The following UGT2A2 variants were observed in gnomAD, a reference collection of about 807,000 sequenced individuals.
UGT2A2 encodes UDP glucuronosyltransferase family 2 member A2, also known as UDP-glucuronosyltransferase 2A2.
Under a neutral mutation model 50.7 loss-of-function variants are expected in UGT2A2, and 60 were observed. That is an observed-to-expected ratio of 1.18 (90% confidence interval 0.96 to 1.47). The LOEUF (loss-of-function observed/expected upper bound fraction) is 1.47. Ranked by LOEUF, UGT2A2 falls within the 40% of genes most tolerant of loss-of-function variation. The pLI is 0.00. For missense variants in UGT2A2, 762 were observed against 634.0 expected, an observed-to-expected ratio of 1.20 and a Z score of -2.17; for synonymous variants, 242 against 214.6, an observed-to-expected ratio of 1.13 and a Z score of -1.11.
chr4:69,594,603 A>C lies in UGT2A2; in HGVS notation c.1205T>G (p.Met402Arg). ...YHGVPMVGVP[M>R]FADQPDNIAH... ...AATGTTATCAGGCTGATCAGCAAAC[A>C]TGGGAACTCCCACCATAGGGACTCC... Residue 402 changes from methionine (M) to arginine (R), a missense_variant, in exon 5 of 6, where the codon ATG (methionine) becomes AGG (arginine). Physicochemically the swap from Met to Arg is moderately conservative, Grantham distance 91. Transcript: ENST00000604629. The C allele has an allele frequency of 1.2e-6, 2 of 1,614,148 alleles. No homozygotes were observed. The highest frequency in any genetic ancestry group is 1.7e-6 in the Non-Finnish European group (2 of 1,180,034).
chr4:69,618,215 GTATGTTTGTGTGTGTGTGTGTGTA>G (rs1405240045), intron 1 of UGT2A2, among the ~76,000 whole-genome samples: 2 of 104,766 alleles, frequency 1.9e-5, no homozygotes, highest in Non-Finnish European at 4.0e-5. Context: ...GTGTGTGTGT[GTATGTTTGTGTGTGTGTGTGTGTA>G]TGTGTGTGTT....
intron 1 of UGT2A2, chr4:69,635,791 A>G (rs1372513769): frequency 6.3e-6 from 1 of 158,700 alleles, no homozygotes; most frequent in Non-Finnish European, 1.3e-5. Context: ...CCGCCACTGC[A>G]CTCCAGCCTG....
intron 1 of UGT2A2, among the ~76,000 whole-genome samples, chr4:69,614,340 A>G (rs957536782): frequency 6.6e-6 from 1 of 152,056 alleles, no homozygotes; most frequent in Non-Finnish European, 1.5e-5. Flanking sequence ...AAAAATGAAA[A>G]TGTTTTCTGT....
rs28404221 is a variant in UGT2A2 at position 69,639,444 on chromosome 4, G to A, written c.197C>T (p.Ala66Val). The A allele has an allele frequency of 0.033, 53,976 of 1,612,976 alleles. 1,098 individuals are homozygous for A. Among genetic ancestry groups the A allele is most frequent in the East Asian group, 0.066 (2,979 of 44,840 alleles). Reference protein sequence around the residue: ...NHNVTVLASSATLFINSNPDS... With the variant: ...NHNVTVLASSVTLFINSNPDS... ...GGGATTGGAGTTGATGAATAGAGTT[G>A]CTGATGAAGCCAGTACAGTCACATT... is the stretch of plus-strand genomic sequence containing the variant. The change falls in exon 1 of 6, where the codon GCA becomes GTA. Residue 66 changes from alanine (A) to valine (V), a missense_variant. Coordinates refer to ENST00000604629, the MANE Select transcript of UGT2A2 (RefSeq NM_001105677.2).
chr4:69,607,813 GA>G (rs1719749366), intron 1 of UGT2A2, among the ~76,000 whole-genome samples: 2 of 152,138 alleles, frequency 1.3e-5, no homozygotes. Flanking sequence ...AAAGACACAT[GA>G]AAAAATGCTC....
chr4:69,607,150 A>G (rs1325491339), intron 1 of UGT2A2, among the ~76,000 whole-genome samples: 3 of 148,070 alleles, frequency 2.0e-5, no homozygotes, highest in African/African-American at 7.7e-5. Flanking sequence ...GAGGCATCAC[A>G]CTACCTGACT....
intron 1 of UGT2A2, among the ~76,000 whole-genome samples, chr4:69,607,183 A>ACTAACCAAATCAGCATG (rs1390324533): frequency 7.4e-6 from 1 of 135,074 alleles, no homozygotes; most frequent in Non-Finnish European, 1.6e-5. Context: ...GCAAGGCTAC[A>ACTAACCAAATCAGCATG]GTAACCAAAA....
At chr4:69,623,380 T>A (rs1162164537) in intron 1 of UGT2A2, among the ~76,000 whole-genome samples, 2 of 151,616 alleles carry the variant, frequency 1.3e-5, no homozygotes, top group Non-Finnish European at 2.9e-5. Flanking sequence ...TTTGTGAGAA[T>A]CATCTCGAAG....
intron 1 of UGT2A2, among the ~76,000 whole-genome samples, chr4:69,629,328 C>T (rs1328204869): frequency 6.6e-6 from 1 of 152,004 alleles, no homozygotes; most frequent in Non-Finnish European, 1.5e-5. Flanking sequence ...TCAACTTGTA[C>T]ATTCCCAAAA....
At chr4:69,628,697 C>T (rs551921384) in intron 1 of UGT2A2, among the ~76,000 whole-genome samples, 2 of 147,662 alleles carry the variant, frequency 1.4e-5, no homozygotes, top group Admixed American at 6.9e-5. Flanking sequence ...AAAATAAAAG[C>T]ATTTTCTTTA....
chr4:69,638,605 C>T (rs1301664325), intron 1 of UGT2A2, among the ~76,000 whole-genome samples: 1 of 152,060 alleles, frequency 6.6e-6, no homozygotes, highest in East Asian at 1.9e-4. Flanking sequence ...TATAATGTAT[C>T]CTAATATGGG....
chr4:69,611,005 C>G (rs4401516), intron 1 of UGT2A2, among the ~76,000 whole-genome samples: 59,930 of 151,790 alleles, frequency 0.39, 12,156 homozygotes, highest in African/African-American at 0.48. Context: ...TACCTCAGTT[C>G]ATGGATTTAG....
intron 1 of UGT2A2, among the ~76,000 whole-genome samples, chr4:69,627,440 T>A (rs1040298032): frequency 6.7e-6 from 1 of 149,130 alleles, no homozygotes; most frequent in East Asian, 2.0e-4. Context: ...AGAAATATTT[T>A]TTGTTCCATA....
chr4:69,595,945 T>C (rs1168589480), intron 3 of UGT2A2, among the ~76,000 whole-genome samples: 2 of 152,122 alleles, frequency 1.3e-5, no homozygotes, highest in Non-Finnish European at 2.9e-5. Flanking sequence ...AAGTAGTCAG[T>C]GGAGAACAAA....
chr4:69,627,486 A>G lies in UGT2A2; in HGVS notation c.742+11413T>C, dbSNP rs896162429. On this transcript the variant is annotated intron_variant, in intron 1 of 5. Coordinates refer to ENST00000604629, the MANE Select transcript of UGT2A2 (RefSeq NM_001105677.2). The stretch of plus-strand genomic sequence containing the variant: ...CAAGCAGGCAGGCAGGCAGGCAGGC[A>G]GGCATGCAGGAAGGAAGGAAGGAAA... Among the ~76,000 whole-genome samples the G allele has an allele frequency of 3.3e-4, 49 of 149,960 alleles. No homozygotes were observed. The East Asian group carries it at 9.0e-3, about 28-fold the overall frequency.
At chr4:69,614,887 G>A (rs1055447872) in intron 1 of UGT2A2, among the ~76,000 whole-genome samples, 13 of 152,048 alleles carry the variant, frequency 8.5e-5, no homozygotes, top group Admixed American at 2.6e-4. Flanking sequence ...TGTACAGGAG[G>A]CATGGTTGGG....
intron 1 of UGT2A2, chr4:69,599,682 G>T: frequency 1.6e-5 from 4 of 258,006 alleles, no homozygotes; most frequent in Non-Finnish European, 2.8e-5. Flanking sequence ...GAAGAAAGAG[G>T]TAGAAATAAA....
At chr4:69,611,794 G>A (rs1447000082) in intron 1 of UGT2A2, among the ~76,000 whole-genome samples, 1 of 152,032 alleles carries the variant, frequency 6.6e-6, no homozygotes, top group Non-Finnish European at 1.5e-5. Flanking sequence ...AACTTGAATG[G>A]TTCATTCTGA....
chr4:69,595,172 A>T lies in UGT2A2; in HGVS notation c.1101T>A (p.Asn367Lys). 1 of 1,613,852 alleles carries T rather than the reference A, an allele frequency of 6.2e-7. No homozygotes were observed. Among genetic ancestry groups the T allele is most frequent in the Non-Finnish European group, 8.5e-7 (1 of 1,179,862 alleles). The change falls in exon 4 of 6, where the codon AAT (asparagine) becomes AAA (lysine). Residue 367 changes from asparagine (N) to lysine (K), a missense_variant. By Grantham distance (94) the Asn-to-Lys change is moderately conservative. Coordinates refer to ENST00000604629, the MANE Select transcript of UGT2A2 (RefSeq NM_001105677.2). ...NTQLFDWIPQ[N>K]DLLGHPKTKA... The stretch of plus-strand genomic sequence containing the variant: ...TCCCCACAGTCTTACCAAGAAGATC[A>T]TTCTGGGGTATCCAATCAAAGAGCT...
Sources: gnomAD v4.1 joint callset for allele counts (sites outside exome capture counted in the v4.1 genomes callset) on GRCh38, gnomAD v4.1.1 for gene constraint, MANE v1.5 for transcripts, NCBI Gene and HGNC (gene_info 2026-07-23, HGNC 2026-07-21) for gene names.